The following NDUFAF6 variants were observed in gnomAD, a reference collection of about 807,000 sequenced individuals.
The protein encoded by NDUFAF6 is NADH dehydrogenase (ubiquinone) complex I, assembly factor 6.
A neutral mutation model predicts 40.8 loss-of-function variants in NDUFAF6; 45 were observed. That is an observed-to-expected ratio of 1.10 (90% confidence interval 0.87 to 1.42). The LOEUF (loss-of-function observed/expected upper bound fraction) is 1.42. Ranked by LOEUF, NDUFAF6 falls within the 40% of genes most tolerant of loss-of-function variation. NDUFAF6 has a pLI of 0.00. For synonymous variants in NDUFAF6, 185 were observed against 155.9 expected (o/e 1.19, Z -1.39); for missense variants, 435 against 418.5 (o/e 1.04, Z -0.34).
chr8:94,978,567 T>C (rs989557141), intron 1 of NDUFAF6, among the ~76,000 whole-genome samples: 1 of 151,796 alleles, frequency 6.6e-6, no homozygotes, highest in Admixed American at 6.6e-5. Flanking sequence ...AATAAAAACT[T>C]AGCCAGGCTT....
Position 95,047,037 on chromosome 8 carries a change from A to G in NDUFAF6, c.624A>G (p.Gly208=). Residue 208 remains glycine (G), a synonymous_variant, in exon 6 of 9, where the codon GGA becomes GGG. Coordinates refer to ENST00000396124, the MANE Select transcript of NDUFAF6 (RefSeq NM_152416.4). Reference sequence around the variant, plus strand: ...CAGATCATGCTGCAAGTCATATTGGAAAAGCACAAGGCATTGTCACTTGCT... The same window carrying G: ...CAGATCATGCTGCAAGTCATATTGGGAAAGCACAAGGCATTGTCACTTGCT... ...LHADHAASHI[G]KAQGIVTCLR... The G allele has an allele frequency of 6.2e-7, 1 of 1,614,190 alleles. No homozygotes were observed. The highest frequency in any genetic ancestry group is 8.5e-7 in the Non-Finnish European group (1 of 1,180,026).
upstream of NDUFAF6, among the ~76,000 whole-genome samples, chr8:95,022,870 C>A (rs1351785134): frequency 3.9e-5 from 6 of 152,098 alleles, no homozygotes; most frequent in Non-Finnish European, 8.8e-5. Context: ...AAGGACTAAT[C>A]CCCCTCACGT....
intron 9 of NDUFAF6, among the ~76,000 whole-genome samples, chr8:95,069,651 G>T (rs1298274005): frequency 6.6e-6 from 1 of 150,640 alleles, no homozygotes; most frequent in Non-Finnish European, 1.5e-5. Context: ...ATGGTGATGG[G>T]CGCCTATAAT....
rs372692847 is a variant in NDUFAF6 at position 95,072,962 on chromosome 8, C to T, written c.*512-2671C>T. On this transcript the variant is annotated intron_variant and NMD_transcript_variant, in intron 9 of 9. Transcript: ENST00000520757. ...TCTCCTCAGCACCTGAACGCCAAGG[C>T]TGGGGAGATCCTCGAGGTTGGCCTG... 30 of 153,784 alleles carry T rather than the reference C, an allele frequency of 2.0e-4. 1 individual carries two copies. In the East Asian group the frequency reaches 4.5e-3, roughly 23 times the overall value. 9.5% of individuals were successfully genotyped at this position (153,784 alleles called of 1,614,324 possible).
chr8:95,009,657 G>A (rs1827149899), intron 2 of NDUFAF6, among the ~76,000 whole-genome samples: 1 of 152,146 alleles, frequency 6.6e-6, no homozygotes, highest in South Asian at 2.1e-4. Context: ...CAGACAGAAA[G>A]TAGATTAATG....
At chr8:95,018,919 T>C (rs1039585864) in intron 2 of NDUFAF6, among the ~76,000 whole-genome samples, 4 of 152,226 alleles carry the variant, frequency 2.6e-5, no homozygotes, top group Non-Finnish European at 4.4e-5. Context: ...AAGGTATTTG[T>C]GGTTTCTGGT....
intron 1 of NDUFAF6, among the ~76,000 whole-genome samples, chr8:94,976,746 G>A (rs189564247): frequency 4.3e-4 from 66 of 152,170 alleles, no homozygotes; most frequent in African/African-American, 1.5e-3. Context: ...GGAAGTTGTT[G>A]TTTATGTTGT....
At chr8:95,109,623 T>A (rs544185970) in intron 4 of NDUFAF6, among the ~76,000 whole-genome samples, 59 of 151,616 alleles carry the variant, frequency 3.9e-4, no homozygotes, top group African/African-American at 1.4e-3. Context: ...GAGAGAGACC[T>A]TCATGATGAA....
rs944802439 is a variant in NDUFAF6 at position 94,980,227 on chromosome 8, A to T, written c.-198-632A>T. On this transcript the variant is annotated intron_variant, in intron 1 of 9. Coordinates refer to the NDUFAF6 transcript ENST00000396111. ...ATGCATTTTTATTATATATATATATATTTTAAAAGAGTATATTCTCCTTTT... is the reference window on the plus strand; with the variant it reads ...ATGCATTTTTATTATATATATATATTTTTTAAAAGAGTATATTCTCCTTTT... 6.0e-5 allele frequency among the ~76,000 whole-genome samples: 9 copies of T among 150,068 alleles called. No homozygotes were observed. The South Asian group carries it at 8.3e-4, about 14-fold the overall frequency.
intron 2 of NDUFAF6, among the ~76,000 whole-genome samples, chr8:94,993,481 T>C (rs529931223): frequency 6.6e-5 from 10 of 152,364 alleles, no homozygotes; most frequent in African/African-American, 2.2e-4. Flanking sequence ...AGAAGTGATG[T>C]TGACCAACCT....
intron 2 of NDUFAF6, among the ~76,000 whole-genome samples, chr8:94,990,538 T>C (rs1376822591): frequency 6.6e-6 from 1 of 152,168 alleles, no homozygotes; most frequent in African/African-American, 2.4e-5. Flanking sequence ...AAAAAATCCT[T>C]GTCACCCAAA....
intron 4 of NDUFAF6, among the ~76,000 whole-genome samples, chr8:95,113,276 G>A (rs1810046136): frequency 1.3e-5 from 2 of 152,118 alleles, no homozygotes; most frequent in South Asian, 2.1e-4. Context: ...TCAGTCTAGG[G>A]GCCTTCGAAA....
At chr8:95,063,339 G>A (rs1449722654), downstream of NDUFAF6, among the ~76,000 whole-genome samples, 1 of 152,120 alleles carries the variant, frequency 6.6e-6, no homozygotes, top group Non-Finnish European at 1.5e-5. Context: ...AGTGGCTCAC[G>A]CCTGTAATCT....
At chr8:95,025,447 C>G (rs1285474720) in intron 1 of NDUFAF6, among the ~76,000 whole-genome samples, 2 of 152,234 alleles carry the variant, frequency 1.3e-5, no homozygotes, top group African/African-American at 2.4e-5. Context: ...GTCGCCTTAT[C>G]TGAACCTTAA....
downstream of NDUFAF6, among the ~76,000 whole-genome samples, chr8:95,105,148 C>T (rs896199253): frequency 1.3e-5 from 2 of 150,752 alleles, no homozygotes; most frequent in Admixed American, 6.6e-5. Flanking sequence ...AAAAAGTAGC[C>T]TCAGTTCCAG....
At chr8:94,979,185 C>G (rs766779312) in intron 1 of NDUFAF6, among the ~76,000 whole-genome samples, 2 of 152,158 alleles carry the variant, frequency 1.3e-5, no homozygotes, top group Non-Finnish European at 2.9e-5. Context: ...TATTTTTTCT[C>G]AGATGCAAAT....
At chr8:95,039,766 A>T (rs1829952485) in intron 3 of NDUFAF6, among the ~76,000 whole-genome samples, 1 of 151,808 alleles carries the variant, frequency 6.6e-6, no homozygotes, top group African/African-American at 2.4e-5. Context: ...TGGAACTACA[A>T]GCACGTACCA....
At position 95,011,573 on chromosome 8, in the gene NDUFAF6, C is replaced by G. The variant is rs141769601; in HGVS notation, c.-83-20422C>G. Among the ~76,000 whole-genome samples, 826 of 152,288 alleles carry G rather than the reference C, an allele frequency of 5.4e-3. 10 individuals are homozygous for G. Among genetic ancestry groups the G allele is most frequent in the African/African-American group, 0.018 (765 of 41,544 alleles). ...GAGAATGTTACTGCCCTAGATGCAG[C>G]TGGTGCCCTCCTGGTGTACACTCTT... On this transcript the variant is annotated intron_variant, in intron 2 of 9. Transcript: ENST00000396111.
rs372461553 is a variant in NDUFAF6, at chr8:95,048,441, A to G, written c.715-16A>G. On this transcript the variant is annotated splice_polypyrimidine_tract_variant and intron_variant, in intron 6 of 8. Transcript: ENST00000396124. Reference sequence around the variant, plus strand: ...TGCTTTTAGGTTCCTAATATAATGTATATTTCCCCACACAGCATGGTGTTT... The same window carrying G: ...TGCTTTTAGGTTCCTAATATAATGTGTATTTCCCCACACAGCATGGTGTTT... 1.1e-5 allele frequency: 18 copies of G among 1,581,580 alleles called. No individual in the cohort carries two copies. The highest frequency in any genetic ancestry group is 2.2e-5 in the South Asian group (2 of 90,442).
Sources: allele counts gnomAD v4.1 joint callset (sites outside exome capture counted in the v4.1 genomes callset), GRCh38; gene constraint gnomAD v4.1.1; transcripts MANE v1.5; gene names NCBI Gene and HGNC (gene_info 2026-07-23, HGNC 2026-07-21).